Variants in KIF21A observed in about 807,000 individuals in gnomAD.
KIF21A encodes kinesin-like protein KIF21A.
In KIF21A, 114 loss-of-function variants were observed where a neutral mutation model predicts 202.9. That is an observed-to-expected ratio of 0.56 (90% CI 0.48 to 0.66). KIF21A has a LOEUF of 0.66. KIF21A is among the 30% of genes least tolerant of loss of function. The probability of loss-of-function intolerance (pLI) is 0.00; values close to 1 mark genes in which losing one functional copy is unlikely to be tolerated. For synonymous variants in KIF21A, 667 were observed against 670.8 expected, an observed-to-expected ratio of 0.99 and a Z score of 0.09; for missense variants, 1,677 against 1,994.9, an observed-to-expected ratio of 0.84 and a Z score of 3.04.
intron 1 of KIF21A, among the ~76,000 whole-genome samples, chr12:39,421,078 T>G (rs371878946): frequency 1.6e-4 from 25 of 152,334 alleles, no homozygotes; most frequent in Middle Eastern, 3.4e-3. Context: ...AGTGGTCGCT[T>G]AAGATGATAA....
rs1259721614 is a variant in KIF21A at position 39,332,748 on chromosome 12, T to A, written c.2703-4A>T. 1.2e-6 allele frequency: 2 copies of A among 1,614,008 alleles called. No individual in the cohort carries two copies. The highest frequency in any genetic ancestry group is 3.3e-5 in the Admixed American group (2 of 60,018). On this transcript the variant is annotated splice_polypyrimidine_tract_variant and splice_region_variant and intron_variant, in intron 19 of 37. Transcript: ENST00000361418. Reference sequence around the variant, plus strand: ...TCCTTTCCTCTGATATTTTTTCCTATAATCATATAAAACAGACAAGCTCAA... The same window carrying A: ...TCCTTTCCTCTGATATTTTTTCCTAAAATCATATAAAACAGACAAGCTCAA...
intron 1 of KIF21A, among the ~76,000 whole-genome samples, chr12:39,409,560 A>G (rs1304230904): frequency 6.6e-6 from 1 of 151,460 alleles, no homozygotes; most frequent in Non-Finnish European, 1.5e-5. Flanking sequence ...AAATATTACC[A>G]AAGATGGAGA....
rs781663767 is a variant in KIF21A at position 39,332,361 on chromosome 12, C to T, written c.2904G>A (p.Arg968=). ...CTCCATTCTCCTTGACTATCTTCTCCCTTCTTTTTGAAAGTTTCTCTCGTC... is the reference window on the plus strand; with the variant it reads ...CTCCATTCTCCTTGACTATCTTCTCTCTTCTTTTTGAAAGTTTCTCTCGTC... The part of the protein sequence containing the change: ...TKRREKLSKR[R]EKIVKENGEG... The change falls in exon 21 of 38, where the codon AGG becomes AGA. Residue 968 remains arginine (R), a synonymous_variant. Transcript: ENST00000361418. 1.9e-6 allele frequency: 3 copies of T among 1,613,790 alleles called. No homozygotes were observed. The highest frequency in any genetic ancestry group is 2.5e-6 in the Non-Finnish European group (3 of 1,179,972).
chr12:39,313,783 A>G (rs146853603), intron 31 of KIF21A, among the ~76,000 whole-genome samples: 5 of 151,924 alleles, frequency 3.3e-5, no homozygotes, highest in Admixed American at 3.3e-4. Flanking sequence ...GGAGAAAGAC[A>G]GCGATAGACT....
intron 1 of KIF21A, among the ~76,000 whole-genome samples, chr12:39,397,453 T>G (rs934493577): frequency 6.6e-6 from 1 of 150,600 alleles, no homozygotes; most frequent in Non-Finnish European, 1.5e-5. Context: ...ATAGAGCTGA[T>G]TCACCTTAAC....
chr12:39,377,472 G>C (rs915558064), intron 1 of KIF21A, among the ~76,000 whole-genome samples: 6 of 152,104 alleles, frequency 3.9e-5, no homozygotes, highest in Non-Finnish European at 8.8e-5. Context: ...CATTAAGGAA[G>C]CATCTGCCCT....
At chr12:39,416,605 A>ATATATATATGTACATATATATGTG (rs1555198088) in intron 1 of KIF21A, among the ~76,000 whole-genome samples, 1,380 of 117,428 alleles carry the variant, frequency 0.012, 192 homozygotes, top group South Asian at 0.074. Context: ...AAATATACAT[A>ATATATATATGTACATATATATGTG]TATATATATA....
chr12:39,436,636 CAA>C (rs113310174), intron 1 of KIF21A, among the ~76,000 whole-genome samples: 27 of 85,074 alleles, frequency 3.2e-4, no homozygotes, highest in East Asian at 6.2e-4. Flanking sequence ...TTAATAATTG[CAA>C]AAAAAAAAAA....
intron 6 of KIF21A, 44 bp downstream of exon 6, chr12:39,366,306 T>C (rs142849399): frequency 1.3e-6 from 2 of 1,538,580 alleles, no homozygotes; most frequent in South Asian, 1.1e-5. Flanking sequence ...AAAAGGACAA[T>C]AGAAAAGCTC....
At chr12:39,377,037 C>T (rs1419345061) in intron 1 of KIF21A, among the ~76,000 whole-genome samples, 1 of 152,226 alleles carries the variant, frequency 6.6e-6, no homozygotes, top group African/African-American at 2.4e-5. Context: ...TGTAAACTGT[C>T]TCTCCTCTTT....
In KIF21A at chr12:39,370,184, A is replaced by G; in HGVS notation, c.122T>C (p.Val41Ala). ...AAAAGCCTTATCTTTCCCTAGGAAG[A>G]CCTGAGGCTCTCCTGGTGTGACAGA... ...CTSVTPGEPQ[V>A]FLGKDKAFTF... Residue 41 changes from valine (V) to alanine (A), a missense_variant, in exon 2 of 38, where the codon GTC (valine) becomes GCC (alanine). This residue lies in a region of KIF21A where 966 missense variants were observed against 1,180.9 expected (regional missense o/e 0.82). Transcript: ENST00000361418. 6.2e-7 allele frequency: 1 copy of G among 1,613,738 alleles called. No individual in the cohort carries two copies. The highest frequency in any genetic ancestry group is 8.5e-7 in the Non-Finnish European group (1 of 1,179,726).
intron 1 of KIF21A, among the ~76,000 whole-genome samples, chr12:39,377,354 A>G (rs1460465975): frequency 6.6e-6 from 1 of 151,866 alleles, no homozygotes; most frequent in African/African-American, 2.4e-5. Flanking sequence ...CCTTCCTTCC[A>G]TTTCCCCAAA....
intron 10 of KIF21A, among the ~76,000 whole-genome samples, chr12:39,352,541 C>T (rs1285041804): frequency 6.6e-6 from 1 of 152,054 alleles, no homozygotes; most frequent in African/African-American, 2.4e-5. Context: ...TTCTGGCCAG[C>T]GGACATCAGT....
chr12:39,412,297 G>C (rs545223264), intron 1 of KIF21A, among the ~76,000 whole-genome samples: 6 of 152,294 alleles, frequency 3.9e-5, no homozygotes, highest in African/African-American at 1.4e-4. Flanking sequence ...CTGTTGCCTA[G>C]ACATTATGAT....
At chr12:39,297,348 C>A (rs1273212606) in intron 37 of KIF21A, among the ~76,000 whole-genome samples, 1 of 151,978 alleles carries the variant, frequency 6.6e-6, no homozygotes, top group Non-Finnish European at 1.5e-5. Context: ...AAATGTCCAA[C>A]AATGATAGAC....
At chr12:39,391,480 G>C (rs1408350657) in intron 1 of KIF21A, among the ~76,000 whole-genome samples, 1 of 152,026 alleles carries the variant, frequency 6.6e-6, no homozygotes, top group Non-Finnish European at 1.5e-5. Context: ...GCTCACGTCT[G>C]TAATCCCAGA....
At chr12:39,418,643 A>G (rs1013246411) in intron 1 of KIF21A, among the ~76,000 whole-genome samples, 14 of 152,234 alleles carry the variant, frequency 9.2e-5, no homozygotes, top group African/African-American at 3.1e-4. Context: ...AAGCTTCTAC[A>G]GTAGCATCAG....
Position 39,377,912 on chromosome 12 carries a change from T to C in KIF21A, c.45-7651A>G, listed in dbSNP as rs950417760. On this transcript the variant is annotated intron_variant, in intron 1 of 37. Transcript: ENST00000361418. ...TCTTATCCTAATCTATATAATTAGCTCTGTATTCTACTCTCTCATCTCTAT... is the reference window on the plus strand; with the variant it reads ...TCTTATCCTAATCTATATAATTAGCCCTGTATTCTACTCTCTCATCTCTAT... 9.2e-4 allele frequency among the ~76,000 whole-genome samples: 140 copies of C among 152,318 alleles called. 1 individual carries two copies. The highest frequency in any genetic ancestry group is 3.3e-3 in the African/African-American group (136 of 41,582).
At chr12:39,439,665 A>G (rs1939291554) in intron 1 of KIF21A, among the ~76,000 whole-genome samples, 1 of 152,228 alleles carries the variant, frequency 6.6e-6, no homozygotes, top group African/African-American at 2.4e-5. Context: ...AGCATTAATC[A>G]TAATTCAAGC....
Sources: gnomAD v4.1 joint callset for allele counts (sites outside exome capture counted in the v4.1 genomes callset) on GRCh38, gnomAD v4.1.1 for gene constraint, gnomAD v4.1.1 regional missense constraint, MANE v1.5 for transcripts, NCBI Gene and HGNC (gene_info 2026-07-23, HGNC 2026-07-21) for gene names.